Variants in HERC1 observed in about 807,000 individuals in gnomAD.
HERC1 encodes probable E3 ubiquitin-protein ligase HERC1.
Under a neutral mutation model 554.3 loss-of-function variants are expected in HERC1, and 160 were observed. The ratio of observed to expected loss-of-function variants is 0.29; its 90% CI spans 0.25 to 0.33. The LOEUF is 0.33. Ranked by LOEUF, HERC1 falls within the 10% of genes least tolerant of loss-of-function variation. HERC1 has a pLI of 1.00. For missense variants in HERC1, 4,919 were observed against 5,918.5 expected (o/e 0.83, Z 5.54); for synonymous variants, 2,175 against 2,131.7 (o/e 1.02, Z -0.56).
rs539223133 is a variant in HERC1, at chr15:63,781,132, C to G, written c.-26-5483G>C. Among the ~76,000 whole-genome samples, 18 of 152,188 alleles carry G rather than the reference C, an allele frequency of 1.2e-4. No individual in the cohort carries two copies. The East Asian group carries it at 3.5e-3, about 29-fold the overall frequency. On this transcript the variant is annotated intron_variant, in intron 1 of 77. Transcript: ENST00000443617. The stretch of plus-strand genomic sequence containing the variant: ...ATGAACAGTATAATCACTAATAAAA[C>G]TGTCACAAACAGTTTTATTTTACTA...
chr15:63,746,700 A>T (rs1032103418), intron 12 of HERC1, among the ~76,000 whole-genome samples: 6 of 152,206 alleles, frequency 3.9e-5, no homozygotes, highest in African/African-American at 1.4e-4. Flanking sequence ...AGAAAAACCA[A>T]ATCTGGTGGG....
At chr15:63,822,446 C>A (rs535171027) in intron 1 of HERC1, among the ~76,000 whole-genome samples, 1 of 151,852 alleles carries the variant, frequency 6.6e-6, no homozygotes, top group Non-Finnish European at 1.5e-5. Context: ...ATTAGCCGGG[C>A]GTGGTGGCGT....
At chr15:63,636,168 GA>G in intron 64 of HERC1, 26 bp from the exon 65 acceptor site, 1 of 1,600,266 alleles carries the variant, frequency 6.2e-7, no homozygotes, top group Non-Finnish European at 8.5e-7. Context: ...AACCCAACAG[GA>G]GTCACTGGAT....
Position 63,680,235 on chromosome 15 carries a change from G to A in HERC1, c.6466-75C>T. On this transcript the variant is annotated intron_variant, in intron 35 of 77. Transcript: ENST00000443617. The surrounding 1 kb of genome is among the most constrained non-coding windows in gnomAD (Gnocchi z 5.8). ...TAATTCACAATATCTAACCACATTA[G>A]AATTGAAAGCTTTTATGAGACAGAA... is the stretch of plus-strand genomic sequence containing the variant. The A allele has an allele frequency of 8.9e-7, 1 of 1,126,894 alleles. No individual in the cohort carries two copies. The highest frequency in any genetic ancestry group is 1.4e-5 in the South Asian group (1 of 73,370). The allele number at this position is 1,126,894 out of a possible 1,614,324, so 69.8% of individuals were successfully genotyped here.
chr15:63,757,302 T>A (rs2075454686), intron 4 of HERC1, among the ~76,000 whole-genome samples: 1 of 145,200 alleles, frequency 6.9e-6, no homozygotes, highest in Non-Finnish European at 1.5e-5. Flanking sequence ...TCTCGCTCTG[T>A]CACCTGGGCT....
In HERC1 at chr15:63,620,385, A is replaced by C. The variant is rs1401580729; in HGVS notation, c.13688+2430T>G. ...AGTTTGTTATAATTTCTGTTCTTTT[A>C]CATTTGCTGAGGAGTGCTTTACTTC... On this transcript the variant is annotated intron_variant, in intron 74 of 77. Coordinates refer to ENST00000443617, the MANE Select transcript of HERC1 (RefSeq NM_003922.4). Among the ~76,000 whole-genome samples the C allele has an allele frequency of 3.3e-5, 5 of 151,778 alleles. No individual in the cohort carries two copies. The East Asian group carries it at 9.6e-4, about 29-fold the overall frequency.
At chr15:63,637,156 C>T (rs777877213) in intron 64 of HERC1, 2 of 461,296 alleles carry the variant, frequency 4.3e-6, no homozygotes, top group South Asian at 1.6e-5. Context: ...TTGCAGATTT[C>T]CATATAAACT....
chr15:63,742,481 C>T (rs1044747519), intron 12 of HERC1, among the ~76,000 whole-genome samples: 12 of 152,114 alleles, frequency 7.9e-5, no homozygotes, highest in Non-Finnish European at 1.5e-4. Flanking sequence ...AGTTTTATTT[C>T]ATTATCTTAT....
intron 2 of HERC1, among the ~76,000 whole-genome samples, chr15:63,771,272 A>T (rs1361640291): frequency 6.6e-6 from 1 of 152,128 alleles, no homozygotes; most frequent in Admixed American, 6.6e-5. Flanking sequence ...AGAAGAAATA[A>T]CAAATATATA....
chr15:63,765,779 G>A (rs1567103048), intron 2 of HERC1, among the ~76,000 whole-genome samples: 1 of 152,124 alleles, frequency 6.6e-6, no homozygotes, highest in Non-Finnish European at 1.5e-5. Flanking sequence ...AAAGCAAGCT[G>A]TACCCCAACT....
At chr15:63,684,309 T>A (rs1163223350) in intron 34 of HERC1, among the ~76,000 whole-genome samples, 2 of 152,198 alleles carry the variant, frequency 1.3e-5, no homozygotes, top group Non-Finnish European at 2.9e-5. Context: ...AATAAAACTG[T>A]TCCCAGAAAG....
intron 12 of HERC1, among the ~76,000 whole-genome samples, chr15:63,743,344 C>T (rs968857516): frequency 4.1e-5 from 6 of 148,144 alleles, no homozygotes; most frequent in Non-Finnish European, 5.9e-5. Context: ...TCACTGAAAC[C>T]TCCACCTCCC....
chr15:63,730,171 G>A (rs1004544968), intron 14 of HERC1, among the ~76,000 whole-genome samples: 4 of 125,076 alleles, frequency 3.2e-5, no homozygotes, highest in Non-Finnish European at 5.2e-5. Context: ...AAAAAAAAAA[G>A]CAGCTGGGTG....
At chr15:63,681,611 C>G (rs978576885) in intron 34 of HERC1, among the ~76,000 whole-genome samples, 7 of 151,962 alleles carry the variant, frequency 4.6e-5, no homozygotes, top group Admixed American at 6.6e-5. Flanking sequence ...ACTTCCCCTA[C>G]GTGATAAAGG....
In HERC1 at chr15:63,713,633, C is replaced by T. The variant is rs2073409974; in HGVS notation, c.4183G>A (p.Val1395Ile). Residue 1395 changes from valine to isoleucine, a missense_variant, in exon 23 of 78, where the codon GTA becomes ATA. By Grantham distance (29) the Val-to-Ile change is conservative (BLOSUM62 3). Transcript: ENST00000443617. ...CTATCTCGGTCTCGGCTACGAGCTA[C>T]TTCACGGGCTGAGAGGAAACACTGA... is the stretch of plus-strand genomic sequence containing the variant. ...IFQCFLSARE[V>I]ARSRDRDRMN... 6.8e-6 allele frequency: 11 copies of T among 1,612,400 alleles called. No individual in the cohort carries two copies. Among genetic ancestry groups the T allele is most frequent in the East Asian group, 6.7e-5 (3 of 44,832 alleles).
chr15:63,634,077 C>G (rs1286383462), intron 66 of HERC1, 107 bp from the exon 67 acceptor site: 1 of 1,244,852 alleles, frequency 8.0e-7, no homozygotes, highest in Non-Finnish European at 1.1e-6. Context: ...GGCTATGTTT[C>G]CAAATATCTA....
At chr15:63,672,182 GA>G (rs536817251) in intron 39 of HERC1, among the ~76,000 whole-genome samples, 4 of 150,390 alleles carry the variant, frequency 2.7e-5, no homozygotes, top group South Asian at 2.1e-4. Context: ...ACTTTTTGAG[GA>G]AAAAAAAATA....
intron 58 of HERC1, 142 bp downstream of exon 58, chr15:63,643,262 G>A (rs997612014): frequency 1.1e-6 from 1 of 871,376 alleles, no homozygotes; most frequent in African/African-American, 1.7e-5. Flanking sequence ...AAAATGTAAG[G>A]GCAGAGGATT....
chr15:63,795,278 T>C (rs2076780186), intron 1 of HERC1, among the ~76,000 whole-genome samples: 1 of 152,090 alleles, frequency 6.6e-6, no homozygotes, highest in Non-Finnish European at 1.5e-5. Flanking sequence ...TTTATTAAAA[T>C]ATTCTGCTTG....
Sources: gnomAD v4.1 joint callset for allele counts (sites outside exome capture counted in the v4.1 genomes callset) on GRCh38, gnomAD v4.1.1 for gene constraint, Gnocchi (gnomAD v3.1) non-coding constraint, MANE v1.5 for transcripts, NCBI Gene and HGNC (gene_info 2026-07-23, HGNC 2026-07-21) for gene names.